The following MICAL3 variants were observed in gnomAD, a reference collection of about 807,000 sequenced individuals.
The protein encoded by MICAL3 is microtubule associated monooxygenase, calponin and LIM domain containing 3.
A neutral mutation model predicts 207.4 loss-of-function variants in MICAL3; 62 were observed. The ratio of observed to expected loss-of-function variants is 0.30; its 90% CI spans 0.24 to 0.37. The LOEUF (loss-of-function observed/expected upper bound fraction) is 0.37. Ranked by LOEUF, MICAL3 falls within the 10% of genes least tolerant of loss-of-function variation. MICAL3 has a pLI of 1.00. For synonymous variants in MICAL3, 1,077 were observed against 1,069.3 expected, an observed-to-expected ratio of 1.01 and a Z score of -0.14; for missense variants, 2,368 against 2,635.6, an observed-to-expected ratio of 0.90 and a Z score of 2.22.
chr22:17,875,345 A>G, intron 16 of MICAL3: 1 of 637,350 alleles, frequency 1.6e-6, no homozygotes, highest in South Asian at 2.5e-5. Flanking sequence ...GACGGGCCCA[A>G]GTGAGGAACA....
chr22:17,805,086 CT>C (rs1377325319), intron 29 of MICAL3, among the ~76,000 whole-genome samples: 5 of 152,226 alleles, frequency 3.3e-5, no homozygotes, highest in Non-Finnish European at 7.3e-5. Context: ...GTCTGACGCC[CT>C]CAGACGGTGA....
chr22:17,893,765 G>C (rs895716807), intron 11 of MICAL3, 43 bp downstream of exon 11: 3 of 1,406,856 alleles, frequency 2.1e-6, no homozygotes, highest in Non-Finnish European at 9.8e-7. Context: ...AGACTTCTCT[G>C]AAGGGGCTGC....
intron 16 of MICAL3, among the ~76,000 whole-genome samples, chr22:17,877,998 A>G (rs1569111287): frequency 6.6e-6 from 1 of 151,942 alleles, no homozygotes; most frequent in Non-Finnish European, 1.5e-5. Context: ...GACTACAGGC[A>G]CCCGCCACCA....
intron 1 of MICAL3, among the ~76,000 whole-genome samples, chr22:17,941,211 A>C (rs1281920228): frequency 2.0e-5 from 3 of 152,160 alleles, no homozygotes; most frequent in African/African-American, 7.2e-5. Flanking sequence ...CTCAGCCTGC[A>C]TTTGCCCTAA....
chr22:17,954,269 T>C (rs370844288), intron 1 of MICAL3, among the ~76,000 whole-genome samples: 19 of 152,222 alleles, frequency 1.2e-4, no homozygotes, highest in Admixed American at 5.2e-4. Context: ...GACCATCGCA[T>C]TGGGGACCTG....
At chr22:18,013,752 T>C (rs1602401366) in intron 1 of MICAL3, among the ~76,000 whole-genome samples, 1 of 152,168 alleles carries the variant, frequency 6.6e-6, no homozygotes, top group South Asian at 2.1e-4. Flanking sequence ...AGTCCAAAGA[T>C]TACTGCTTCT....
chr22:17,823,035 C>T lies in MICAL3; in HGVS notation c.3219G>A (p.Glu1073=). The T allele has an allele frequency of 1.2e-6, 2 of 1,613,502 alleles. No homozygotes were observed. Among genetic ancestry groups the T allele is most frequent in the Non-Finnish European group, 1.7e-6 (2 of 1,179,474 alleles). The part of the protein sequence containing the change: ...SGAPLDENDL[E]EDVDSEPAEI... Reference sequence around the variant, plus strand: ...CGGCTGGTTCTGAGTCCACATCTTCCTCTAGGTCATTCTCATCCAATGGGG... The same window carrying T: ...CGGCTGGTTCTGAGTCCACATCTTCTTCTAGGTCATTCTCATCCAATGGGG... The change falls in exon 23 of 32, where the codon GAG becomes GAA. Residue 1073 remains glutamate, a synonymous_variant. Transcript: ENST00000441493.
chr22:17,907,847 C>T (rs546513073), intron 1 of MICAL3, among the ~76,000 whole-genome samples: 101 of 152,298 alleles, frequency 6.6e-4, no homozygotes, highest in Middle Eastern at 6.8e-3. Flanking sequence ...CCTGCTATTG[C>T]GTAAGGTACA....
rs59740388 is a variant in MICAL3, at chr22:17,953,930, C to CAAAAAAAAAAA, written c.-74-47055_-74-47045dup. Reference sequence around the variant, plus strand: ...CAGGTGACAGAGTAAGACTCCATCTCAAAAAAAAAAAAAAAAAAAAAAAAA... The same window carrying CAAAAAAAAAAA: ...CAGGTGACAGAGTAAGACTCCATCTCAAAAAAAAAAAAAAAAAAAAAAAAAAAAAAAAAAAA... On this transcript the variant is annotated intron_variant, in intron 1 of 31. Coordinates refer to ENST00000441493, the MANE Select transcript of MICAL3 (RefSeq NM_015241.3). Among the ~76,000 whole-genome samples the CAAAAAAAAAAA allele has an allele frequency of 3.2e-3, 273 of 86,476 alleles. 1 individual carries two copies. Among genetic ancestry groups the CAAAAAAAAAAA allele is most frequent in the Non-Finnish European group, 4.8e-3 (207 of 43,378 alleles). 56.7% of individuals were successfully genotyped at this position (86,476 alleles called of 152,430 possible).
chr22:18,002,834 T>G (rs142416477), intron 1 of MICAL3, among the ~76,000 whole-genome samples: 1 of 152,136 alleles, frequency 6.6e-6, no homozygotes, highest in African/African-American at 2.4e-5. Context: ...CTGCAAATAT[T>G]CTTCAACTTT....
chr22:17,802,893 G>A (rs769692580), intron 29 of MICAL3, among the ~76,000 whole-genome samples: 11 of 152,178 alleles, frequency 7.2e-5, no homozygotes, highest in Non-Finnish European at 1.3e-4. Flanking sequence ...TCAACAGAAT[G>A]ACAGCTGCCC....
At position 17,901,964 on chromosome 22, in the gene MICAL3, G is replaced by A. The variant is rs755755424; in HGVS notation, c.605C>T (p.Ala202Val). The A allele has an allele frequency of 1.2e-6, 2 of 1,613,188 alleles. No homozygotes were observed. The highest frequency in any genetic ancestry group is 1.3e-5 in the African/African-American group (1 of 75,008). The change falls in exon 5 of 32, where the codon GCA (alanine) becomes GTA (valine). Residue 202 changes from alanine to valine, a missense_variant. Physicochemically the swap from Ala to Val is moderately conservative, Grantham distance 64 (BLOSUM62 0). Around this residue, in one of 4 missense-constraint regions of MICAL3, gnomAD observed 400 missense variants for 547.0 expected, o/e 0.73. Transcript: ENST00000441493. ...AGGATGAGTCTTGGGGTGCACCAGT[G>A]CCCGCCAGCCTATCCCTGTGAACCA... ...DQENERIGWR[A>V]LVHPKTHPVS...
intron 1 of MICAL3, among the ~76,000 whole-genome samples, chr22:17,916,921 T>C (rs936975439): frequency 1.3e-5 from 2 of 152,240 alleles, no homozygotes; most frequent in Non-Finnish European, 2.9e-5. Flanking sequence ...GACACAGCTC[T>C]CTTTTCACAT....
chr22:17,874,761 T>C (rs370470333), intron 16 of MICAL3, among the ~76,000 whole-genome samples: 10 of 152,136 alleles, frequency 6.6e-5, no homozygotes, highest in East Asian at 5.8e-4. Context: ...AACCCAGGCA[T>C]GGGAAATACC....
chr22:17,921,949 T>C (rs760560619), intron 1 of MICAL3, among the ~76,000 whole-genome samples: 4 of 152,144 alleles, frequency 2.6e-5, no homozygotes, highest in African/African-American at 7.2e-5. Flanking sequence ...CTACTATTAA[T>C]AGATGCAACC....
In MICAL3 at chr22:17,841,783, C is replaced by T. The variant is rs1041765548; in HGVS notation, c.2801+39G>A. ...ACAGAGGTGAGGAGGCTCTTAGGGC[C>T]GTGTGGCGGGTGGGCGCCCTGCAGC... On this transcript the variant is annotated intron_variant, in intron 20 of 31. Transcript: ENST00000441493. The surrounding 1 kb of genome is among the most constrained non-coding windows in gnomAD (Gnocchi z 4.2). 13 of 1,538,400 alleles carry T rather than the reference C, an allele frequency of 8.5e-6. No homozygotes were observed. Among genetic ancestry groups the T allele is most frequent in the Admixed American group, 3.9e-5 (2 of 50,874 alleles).
chr22:18,000,355 G>A (rs770307349), intron 1 of MICAL3, among the ~76,000 whole-genome samples: 3 of 152,154 alleles, frequency 2.0e-5, no homozygotes, highest in East Asian at 3.9e-4. Flanking sequence ...ACCATTAAAA[G>A]AACACAAATG....
Position 17,831,765 on chromosome 22 carries a change from C to T in MICAL3, c.3055+89G>A, listed in dbSNP as rs115956320. The stretch of plus-strand genomic sequence containing the variant: ...CTGTGCAGGAGGCACGTCCGTGTGA[C>T]GTCAGCCCCAGAAACCTCTTACACT... On this transcript the variant is annotated intron_variant, in intron 21 of 31. Coordinates refer to ENST00000441493, the MANE Select transcript of MICAL3 (RefSeq NM_015241.3). The T allele has an allele frequency of 1.4e-3, 2,085 of 1,493,380 alleles. 21 individuals are homozygous for T. The African/African-American group carries it at 0.024, about 17-fold the overall frequency. The allele number at this position is 1,493,380 out of a possible 1,614,324, so 92.5% of individuals were successfully genotyped here. A position where few individuals can be genotyped will look rare whatever the true frequency, so the allele number is the denominator to read the frequency against.
intron 23 of MICAL3, 100 bp downstream of exon 23, chr22:17,822,847 G>T: frequency 1.5e-6 from 1 of 679,646 alleles, no homozygotes; most frequent in Non-Finnish European, 2.5e-6. Context: ...GGAACCAGGA[G>T]GCCCAACGGC....
Sources: gnomAD v4.1 joint callset for allele counts (sites outside exome capture counted in the v4.1 genomes callset) on GRCh38, gnomAD v4.1.1 for gene constraint, gnomAD v4.1.1 regional missense constraint, Gnocchi (gnomAD v3.1) non-coding constraint, MANE v1.5 for transcripts, NCBI Gene and HGNC (gene_info 2026-07-23, HGNC 2026-07-21) for gene names.